FBXL7: variants seen among roughly 807,000 people sequenced by gnomAD.
FBXL7 encodes F-box and leucine rich repeat protein 7.
FBXL7 carries 12 observed loss-of-function variants against 38.3 expected under a neutral mutation model. The observed-to-expected ratio is 0.31, with a 90% confidence interval of 0.20 to 0.51. The LOEUF is 0.51. Ranked by LOEUF, FBXL7 falls within the 20% of genes least tolerant of loss-of-function variation. The pLI is 0.98. For missense variants in FBXL7, 567 were observed against 676.4 expected (o/e 0.84, Z 1.79); for synonymous variants, 297 against 300.9 (o/e 0.99, Z 0.13).
chr5:15,501,949 AT>A (rs564975108), intron 1 of FBXL7, among the ~76,000 whole-genome samples: 73 of 137,008 alleles, frequency 5.3e-4, no homozygotes, highest in East Asian at 1.5e-3. Flanking sequence ...TTTTTTGACA[AT>A]TTTTTTTTTA....
chr5:15,869,913 C>A (rs1169695456), intron 2 of FBXL7, among the ~76,000 whole-genome samples: 1 of 152,044 alleles, frequency 6.6e-6, no homozygotes, highest in African/African-American at 2.4e-5. Context: ...AGTTCCAGAC[C>A]AGCCTGGGCA....
At chr5:15,838,201 A>G (rs1015057617) in intron 2 of FBXL7, among the ~76,000 whole-genome samples, 1 of 152,176 alleles carries the variant, frequency 6.6e-6, no homozygotes, top group Non-Finnish European at 1.5e-5. Context: ...CTGCTATAAC[A>G]AAGTGCCATA....
chr5:15,711,093 G>A lies in FBXL7; in HGVS notation c.127+95021G>A, dbSNP rs138623739. Among the ~76,000 whole-genome samples, 285 of 152,286 alleles carry A rather than the reference G, an allele frequency of 1.9e-3. 3 individuals are homozygous for A. Among genetic ancestry groups the A allele is most frequent in the African/African-American group, 6.3e-3 (262 of 41,558 alleles). On this transcript the variant is annotated intron_variant, in intron 2 of 3. Coordinates refer to ENST00000504595, the MANE Select transcript of FBXL7 (RefSeq NM_012304.5). ...TCTTTTGTCTGCTGCCATGTGAGAC[G>A]TGCCTTTCACCTTCTGCCATGATTG...
chr5:15,620,788 T>C (rs974223754), intron 2 of FBXL7, among the ~76,000 whole-genome samples: 20 of 152,162 alleles, frequency 1.3e-4, no homozygotes, highest in Non-Finnish European at 2.9e-5. Context: ...TGGTAATATT[T>C]CCTGGAAAGT....
At chr5:15,774,575 G>C (rs1314516310) in intron 2 of FBXL7, among the ~76,000 whole-genome samples, 3 of 152,144 alleles carry the variant, frequency 2.0e-5, no homozygotes, top group Non-Finnish European at 4.4e-5. Flanking sequence ...ACCATAATAT[G>C]GACTCCAGAT....
At chr5:15,566,661 A>G (rs747835748) in intron 1 of FBXL7, among the ~76,000 whole-genome samples, 2 of 152,184 alleles carry the variant, frequency 1.3e-5, no homozygotes, top group African/African-American at 4.8e-5. Context: ...TGAGAAGCAT[A>G]TTTTATCGCA....
intron 2 of FBXL7, among the ~76,000 whole-genome samples, chr5:15,889,374 C>A (rs1740810640): frequency 6.6e-6 from 1 of 152,204 alleles, no homozygotes; most frequent in South Asian, 2.1e-4. Flanking sequence ...TTCTGAGTAT[C>A]TTCCTCATTG....
intron 2 of FBXL7, among the ~76,000 whole-genome samples, chr5:15,780,404 G>A (rs771747754): frequency 6.6e-6 from 1 of 152,124 alleles, no homozygotes; most frequent in African/African-American, 2.4e-5. Context: ...CACCAAGTCA[G>A]AATATGTCAT....
chr5:15,805,079 C>T (rs1442144329), intron 2 of FBXL7, among the ~76,000 whole-genome samples: 2 of 152,182 alleles, frequency 1.3e-5, no homozygotes, highest in Admixed American at 6.5e-5. Flanking sequence ...ATGTGTCTAT[C>T]ATAACTGCCT....
chr5:15,796,989 T>G (rs1259140579), intron 2 of FBXL7, among the ~76,000 whole-genome samples: 1 of 152,234 alleles, frequency 6.6e-6, no homozygotes, highest in Non-Finnish European at 1.5e-5. Context: ...TTGAAGGGAC[T>G]GCACATTTAC....
At chr5:15,836,901 C>T (rs1377547716) in intron 2 of FBXL7, among the ~76,000 whole-genome samples, 1 of 152,168 alleles carries the variant, frequency 6.6e-6, no homozygotes, top group Non-Finnish European at 1.5e-5. Context: ...TGTGTCGTCA[C>T]CCTTTCTCCA....
intron 1 of FBXL7, among the ~76,000 whole-genome samples, chr5:15,609,714 A>C (rs1359097512): frequency 6.6e-6 from 1 of 152,196 alleles, no homozygotes; most frequent in Non-Finnish European, 1.5e-5. Flanking sequence ...CAGAAGCTGC[A>C]GCGAAGACTG....
intron 2 of FBXL7, among the ~76,000 whole-genome samples, chr5:15,877,823 C>G (rs1740273512): frequency 6.6e-6 from 1 of 152,050 alleles, no homozygotes. Flanking sequence ...TTTTAATATT[C>G]CCGCTAAAGA....
chr5:15,628,396 C>G (rs1280004126), intron 2 of FBXL7, among the ~76,000 whole-genome samples: 2 of 152,144 alleles, frequency 1.3e-5, no homozygotes, highest in African/African-American at 4.8e-5. Context: ...GAAGATGTTT[C>G]CAGTATCTTG....
chr5:15,930,954 G>T lies in FBXL7; in HGVS notation c.739+2453G>T, dbSNP rs572124476. Among the ~76,000 whole-genome samples, 3 of 152,328 alleles carry T rather than the reference G, an allele frequency of 2.0e-5. No individual in the cohort carries two copies. The South Asian group carries it at 6.2e-4, about 32-fold the overall frequency. On this transcript the variant is annotated intron_variant, in intron 3 of 3. Transcript: ENST00000504595. ...ATGGCTGGTTCTCTTTAGTTTTACA[G>T]CTGGGCCCCGATAGTGGCCACATTC...
chr5:15,912,721 A>G (rs1333281559), intron 2 of FBXL7, among the ~76,000 whole-genome samples: 4 of 152,018 alleles, frequency 2.6e-5, no homozygotes, highest in African/African-American at 4.8e-5. Context: ...AATTAGGCCC[A>G]TGTTACTCCA....
At chr5:15,677,296 C>T (rs1236892576) in intron 2 of FBXL7, among the ~76,000 whole-genome samples, 1 of 152,022 alleles carries the variant, frequency 6.6e-6, no homozygotes, top group African/African-American at 2.4e-5. Context: ...ATGGTGAAAC[C>T]CTGTCTCTAC....
At position 15,868,102 on chromosome 5, in the gene FBXL7, CAAA is replaced by C. The variant is rs35879964; in HGVS notation, c.128-59768_128-59766del. Among the ~76,000 whole-genome samples the C allele has an allele frequency of 6.2e-4, 37 of 59,914 alleles. 1 individual carries two copies. The highest frequency in any genetic ancestry group is 1.5e-3 in the African/African-American group (28 of 18,366). 39.3% of individuals were successfully genotyped at this position (59,914 alleles called of 152,430 possible). A position where few individuals can be genotyped will look rare whatever the true frequency, so the allele number is the denominator to read the frequency against. ...GTGGCGACAGAGCAAGACTCCGTCT[CAAA>C]AAAAAAAAAAAAAAAAAAATGGAGG... On this transcript the variant is annotated intron_variant, in intron 2 of 3. Coordinates refer to ENST00000504595, the MANE Select transcript of FBXL7 (RefSeq NM_012304.5).
intron 2 of FBXL7, among the ~76,000 whole-genome samples, chr5:15,899,241 T>A (rs988065439): frequency 1.3e-5 from 2 of 152,154 alleles, no homozygotes; most frequent in Non-Finnish European, 2.9e-5. Context: ...TAATTTTGTA[T>A]TTTTAGTAGA....
Sources: allele counts gnomAD v4.1 joint callset (sites outside exome capture counted in the v4.1 genomes callset), GRCh38; gene constraint gnomAD v4.1.1; transcripts MANE v1.5; gene names NCBI Gene and HGNC (gene_info 2026-07-23, HGNC 2026-07-21).